The following MEA1 variants were observed in gnomAD, a reference collection of about 807,000 sequenced individuals.
The protein encoded by MEA1 is male-enhanced antigen 1.
Under a neutral mutation model 21.4 loss-of-function variants are expected in MEA1, and 22 were observed. The ratio of observed to expected loss-of-function variants is 1.03; its 90% CI spans 0.73 to 1.47. The LOEUF (loss-of-function observed/expected upper bound fraction) is 1.47, where lower values mean the gene tolerates loss of function less well. MEA1 is among the 40% of genes most tolerant of loss of function. MEA1 has a pLI of 0.00. For synonymous variants in MEA1, 91 were observed against 85.5 expected (o/e 1.06, Z -0.35); for missense variants, 233 against 230.5 (o/e 1.01, Z -0.07).
chr6:43,014,104 G>A (rs1034008396), upstream of MEA1: 2 of 1,415,080 alleles, frequency 1.4e-6, no homozygotes, highest in Non-Finnish European at 1.8e-6. Flanking sequence ...CACATGCGCA[G>A]AATCTCTCCT....
intron 3 of MEA1, 108 bp downstream of exon 3, chr6:43,012,818 T>G (rs1255067537): frequency 5.4e-6 from 7 of 1,307,262 alleles, no homozygotes; most frequent in Non-Finnish European, 6.6e-6. Context: ...AATCTTAGTT[T>G]ACAAACTATC....
At chr6:43,014,332 C>G (rs1762502321), upstream of MEA1, 1 of 619,638 alleles carries the variant, frequency 1.6e-6, no homozygotes, top group Non-Finnish European at 2.9e-6. Context: ...CGGCCCCGCC[C>G]CGGCTCGGCC....
At chr6:43,015,573 G>T (rs1046831171), upstream of MEA1, among the ~76,000 whole-genome samples, 2 of 152,078 alleles carry the variant, frequency 1.3e-5, no homozygotes, top group African/African-American at 2.4e-5. Flanking sequence ...TGACCAGCTG[G>T]GCATGGTGGC....
chr6:43,011,322 C>G lies in MEA1; in HGVS notation c.*1148G>C, dbSNP rs753468394. On this transcript the variant is annotated 3_prime_UTR_variant, in exon 4 of 4. Transcript: ENST00000244711. Reference sequence around the variant, plus strand: ...TCCTACCACAGGGCCACAGCCCACACAGCCCTGGGACACTGCCCTGGCCCT... The same window carrying G: ...TCCTACCACAGGGCCACAGCCCACAGAGCCCTGGGACACTGCCCTGGCCCT... 13 of 1,612,248 alleles carry G rather than the reference C, an allele frequency of 8.1e-6. No individual in the cohort carries two copies. Among genetic ancestry groups the G allele is most frequent in the African/African-American group, 2.7e-5 (2 of 74,876 alleles).
chr6:43,013,557 C>A lies in MEA1; in HGVS notation c.29-168G>T, dbSNP rs1298338927. Reference sequence around the variant, plus strand: ...TTCCAGCCTCTCGTTCCTCCCCCTCCTAAGTCGGGGTTCTTATCTTGAACC... The same window carrying A: ...TTCCAGCCTCTCGTTCCTCCCCCTCATAAGTCGGGGTTCTTATCTTGAACC... On this transcript the variant is annotated intron_variant, in intron 1 of 3. Transcript: ENST00000244711. 4.6e-6 allele frequency: 4 copies of A among 865,116 alleles called. No individual in the cohort carries two copies. In the Admixed American group the frequency reaches 1.1e-4, roughly 25 times the overall value. 53.6% of individuals were successfully genotyped at this position (865,116 alleles called of 1,614,324 possible). A position where few individuals can be genotyped will look rare whatever the true frequency, so the allele number is the denominator to read the frequency against.
intron 3 of MEA1, 113 bp from the exon 4 acceptor site, chr6:43,012,734 T>A: frequency 7.3e-7 from 1 of 1,366,530 alleles, no homozygotes; most frequent in Non-Finnish European, 9.9e-7. Context: ...AAATCCACCT[T>A]GTTACTTTAA....
chr6:43,016,577 C>T (rs1762580712), upstream of MEA1: 2 of 152,572 alleles, frequency 1.3e-5, no homozygotes, highest in East Asian at 3.8e-4. Context: ...GGTCCCTGTC[C>T]TGGATCAGTC....
At position 43,012,467 on chromosome 6, in the gene MEA1, T is replaced by G. The variant is rs1762400412; in HGVS notation, c.*3A>C. 1 of 1,590,614 alleles carries G rather than the reference T, an allele frequency of 6.3e-7. No individual in the cohort carries two copies. Among genetic ancestry groups the G allele is most frequent in the Admixed American group, 1.9e-5 (1 of 53,838 alleles). ...TAGGAATATAAGGCAGCTCTCACTG[T>G]GGTCACTTCCAGGCAGGGGATGCCT... On this transcript the variant is annotated 3_prime_UTR_variant, in exon 4 of 4. Transcript: ENST00000244711.
chr6:43,011,355 C>G lies in MEA1; in HGVS notation c.*1115G>C. 6.3e-7 allele frequency: 1 copy of G among 1,588,526 alleles called. No homozygotes were observed. Among genetic ancestry groups the G allele is most frequent in the Non-Finnish European group, 8.6e-7 (1 of 1,164,704 alleles). On this transcript the variant is annotated 3_prime_UTR_variant, in exon 4 of 4. Transcript: ENST00000244711. ...GGACACTGCCCTGGCCCTCCATACT[C>G]TGCTCCCTACTGGCTGTCTTGGGGG...
Position 43,012,290 on chromosome 6 carries a change from C to T in MEA1, c.*180G>A, listed in dbSNP as rs548361608. 3.1e-5 allele frequency: 43 copies of T among 1,382,420 alleles called. No individual in the cohort carries two copies. In the Admixed American group the frequency reaches 1.2e-3, roughly 37 times the overall value. The allele number at this position is 1,382,420 out of a possible 1,614,324, so 85.6% of individuals were successfully genotyped here. The stretch of plus-strand genomic sequence containing the variant: ...GTGATACATGCTAAGGTGGGTTGGG[C>T]TTGGACCGATGTCCCCATATGTACA... On this transcript the variant is annotated 3_prime_UTR_variant, in exon 4 of 4. Transcript: ENST00000244711.
At position 43,013,863 on chromosome 6, in the gene MEA1, C is replaced by T. The variant is rs1762478004; in HGVS notation, c.-50G>A. On this transcript the variant is annotated 5_prime_UTR_variant, in exon 1 of 4. Coordinates refer to ENST00000244711, the MANE Select transcript of MEA1 (RefSeq NM_014623.4). ...TGCAGCGTCCCCCACCCGCCCCCAT[C>T]CGAATCCCGGCGCCGGTGTTCCCGC... is the stretch of plus-strand genomic sequence containing the variant. 4.1e-6 allele frequency: 6 copies of T among 1,446,696 alleles called. No homozygotes were observed. The highest frequency in any genetic ancestry group is 5.5e-6 in the Non-Finnish European group (6 of 1,088,430). The allele number at this position is 1,446,696 out of a possible 1,614,324, so 89.6% of individuals were successfully genotyped here. A position where few individuals can be genotyped will look rare whatever the true frequency, so the allele number is the denominator to read the frequency against.
intron 1 of MEA1, 102 bp downstream of exon 1, chr6:43,013,684 C>T: frequency 7.9e-7 from 1 of 1,270,678 alleles, no homozygotes; most frequent in Non-Finnish European, 1.1e-6. Flanking sequence ...CTCCCCGCGC[C>T]ACGCCTCCCC....
intron 1 of MEA1, 107 bp downstream of exon 1, chr6:43,013,679 C>G: frequency 1.6e-6 from 2 of 1,225,266 alleles, no homozygotes; most frequent in Non-Finnish European, 2.3e-6. Flanking sequence ...CCCGGCTCCC[C>G]GCGCCACGCC....
rs1762404025 is a variant in MEA1, at chr6:43,012,536, A to G, written c.492T>C (p.Asp164=). The change falls in exon 4 of 4, where the codon GAT becomes GAC. Residue 164 remains aspartate, a synonymous_variant. Coordinates refer to ENST00000244711, the MANE Select transcript of MEA1 (RefSeq NM_014623.4). ...TCTGTACCACATCTTCCCACTGGGC[A>G]TCCGATATCTCCCGAGCCCAGGCAG... is the stretch of plus-strand genomic sequence containing the variant. ...GVPAWAREIS[D]AQWEDVVQKA... is the part of the protein sequence containing the mutation. 1.2e-6 allele frequency: 2 copies of G among 1,612,202 alleles called. No homozygotes were observed. The highest frequency in any genetic ancestry group is 1.3e-5 in the African/African-American group (1 of 74,616).
upstream of MEA1, chr6:43,014,113 C>T (rs1472856307): frequency 4.2e-6 from 6 of 1,417,606 alleles, no homozygotes; most frequent in South Asian, 3.2e-5. Context: ...AGAATCTCTC[C>T]TACGCCCCTG....
In MEA1 at chr6:43,012,195, G is replaced by A. The variant is rs182035549; in HGVS notation, c.*275C>T. ...AGGGGCCAGGGGCTGAGGAAGGCCG[G>A]ACCCAGGTTCCAGGGGCGCAGGCAG... is the stretch of plus-strand genomic sequence containing the variant. On this transcript the variant is annotated 3_prime_UTR_variant, in exon 4 of 4. Transcript: ENST00000244711. 30 of 1,147,220 alleles carry A rather than the reference G, an allele frequency of 2.6e-5. No individual in the cohort carries two copies. The Admixed American group carries it at 6.5e-4, about 25-fold the overall frequency. The allele number at this position is 1,147,220 out of a possible 1,614,324, so 71.1% of individuals were successfully genotyped here.
At position 43,012,052 on chromosome 6, in the gene MEA1, A is replaced by C. The variant is rs1803897; in HGVS notation, c.*418T>G. ...GCTTTTCTGTGCTGTTGGTTCCCAA[A>C]ACTAGAAAGAAGGAAGCAGGGAGCG... On this transcript the variant is annotated 3_prime_UTR_variant, in exon 4 of 4. Transcript: ENST00000244711. The C allele has an allele frequency of 1.0e-2, 3,362 of 337,158 alleles. 116 individuals carry two copies. Among genetic ancestry groups the C allele is most frequent in the African/African-American group, 0.069 (3,094 of 44,886 alleles). 20.9% of individuals were successfully genotyped at this position (337,158 alleles called of 1,614,324 possible).
upstream of MEA1, among the ~76,000 whole-genome samples, chr6:43,016,269 G>A (rs920902716): frequency 1.6e-4 from 25 of 152,062 alleles, no homozygotes; most frequent in Admixed American, 9.2e-4. Context: ...ACCTCTATCC[G>A]CCTTTCAGGA....
At position 43,011,446 on chromosome 6, in the gene MEA1, G is replaced by A. The variant is rs1762347518; in HGVS notation, c.*1024C>T. ...GGCACTTGAAGCAGGGACACCCACA[G>A]AATGGTCCCTCTTCTCCCCAAAAGG... On this transcript the variant is annotated 3_prime_UTR_variant, in exon 4 of 4. Transcript: ENST00000244711. 1.0e-5 allele frequency: 10 copies of A among 965,836 alleles called. No homozygotes were observed. The South Asian group carries it at 1.5e-4, about 15-fold the overall frequency. The allele number at this position is 965,836 out of a possible 1,614,324, so 59.8% of individuals were successfully genotyped here.
Sources: gnomAD v4.1 joint callset for allele counts (sites outside exome capture counted in the v4.1 genomes callset) on GRCh38, gnomAD v4.1.1 for gene constraint, MANE v1.5 for transcripts, NCBI Gene and HGNC (gene_info 2026-07-23, HGNC 2026-07-21) for gene names.